ST3GAL3: variants seen among roughly 807,000 people sequenced by gnomAD.
The protein encoded by ST3GAL3 is CMP-N-acetylneuraminate-beta-1,4-galactoside alpha-2,3-sialyltransferase.
Under a neutral mutation model 50.1 loss-of-function variants are expected in ST3GAL3, and 21 were observed. The observed-to-expected ratio is 0.42, with a 90% CI of 0.30 to 0.60. The LOEUF is 0.60. Among genes scored for constraint, ST3GAL3 ranks in the 20% least tolerant of loss-of-function variants. ST3GAL3 has a pLI of 0.19. For synonymous variants in ST3GAL3, 183 were observed against 190.0 expected (o/e 0.96, Z 0.30); for missense variants, 353 against 489.4 (o/e 0.72, Z 2.63).
At chr1:43,892,276 G>A (rs1395845142) in intron 5 of ST3GAL3, among the ~76,000 whole-genome samples, 1 of 150,116 alleles carries the variant, frequency 6.7e-6, no homozygotes, top group East Asian at 1.9e-4. Context: ...TTTTTTTTTT[G>A]AGGCAAGTTC....
In ST3GAL3 at chr1:43,870,231, A is replaced by G. The variant is rs550796287; in HGVS notation, c.303-24152A>G. 4.6e-5 allele frequency among the ~76,000 whole-genome samples: 7 copies of G among 152,394 alleles called. No individual in the cohort carries two copies. The South Asian group carries it at 1.4e-3, about 32-fold the overall frequency. On this transcript the variant is annotated intron_variant, in intron 5 of 11. Transcript: ENST00000347631. Reference sequence around the variant, plus strand: ...TTTTGTGAGGCTAAAATGATATTGTATAATGAAAAACAGTTAAGAGCGAGG... The same window carrying G: ...TTTTGTGAGGCTAAAATGATATTGTGTAATGAAAAACAGTTAAGAGCGAGG...
intron 5 of ST3GAL3, among the ~76,000 whole-genome samples, chr1:43,868,637 G>T (rs976057474): frequency 1.3e-5 from 2 of 152,124 alleles, no homozygotes; most frequent in Admixed American, 1.3e-4. Flanking sequence ...ACCCCCTTGA[G>T]TCTACATATC....
intron 5 of ST3GAL3, among the ~76,000 whole-genome samples, chr1:43,854,524 A>G (rs1304324699): frequency 6.6e-6 from 1 of 152,068 alleles, no homozygotes; most frequent in Non-Finnish European, 1.5e-5. Flanking sequence ...CCATCCTTAA[A>G]TGTTGATGTT....
At chr1:43,868,001 C>G (rs1455265080) in intron 5 of ST3GAL3, among the ~76,000 whole-genome samples, 1 of 152,174 alleles carries the variant, frequency 6.6e-6, no homozygotes, top group East Asian at 1.9e-4. Flanking sequence ...TCCACTTCAT[C>G]CAACAATTCC....
rs1180406652 is a variant in ST3GAL3, at chr1:43,894,497, C to G, written c.397+20C>G. ...GTCAAGGTATGTTGGGAACCCTGAC[C>G]TACATTAACATCTCATCCCCCCGAC... On this transcript the variant is annotated intron_variant, in intron 6 of 11. Coordinates refer to ENST00000347631, the MANE Select transcript of ST3GAL3 (RefSeq NM_006279.5). 4 of 1,606,306 alleles carry G rather than the reference C, an allele frequency of 2.5e-6. No homozygotes were observed. The highest frequency in any genetic ancestry group is 3.4e-6 in the Non-Finnish European group (4 of 1,172,986).
intron 2 of ST3GAL3, among the ~76,000 whole-genome samples, chr1:43,774,156 G>A (rs917208984): frequency 6.6e-6 from 1 of 152,086 alleles, no homozygotes; most frequent in South Asian, 2.1e-4. Flanking sequence ...ACTTGGGGGG[G>A]CAATTGGGTA....
At chr1:43,769,732 A>G (rs1332435422) in intron 2 of ST3GAL3, among the ~76,000 whole-genome samples, 1 of 152,210 alleles carries the variant, frequency 6.6e-6, no homozygotes, top group East Asian at 1.9e-4. Flanking sequence ...CATCCGGGAA[A>G]CTACATAAGA....
chr1:43,916,188 ATTTATGTTTCAGT>A, intron 9 of ST3GAL3, among the ~76,000 whole-genome samples: 5 of 152,214 alleles, frequency 3.3e-5, no homozygotes, highest in Non-Finnish European at 7.3e-5. Context: ...ATTGTGTACC[ATTTATGTTTCAGT>A]TTTATGTTTC....
At chr1:43,916,112 C>G (rs1420646718) in intron 9 of ST3GAL3, among the ~76,000 whole-genome samples, 2 of 152,192 alleles carry the variant, frequency 1.3e-5, no homozygotes, top group Non-Finnish European at 2.9e-5. Context: ...TTGGGAGATA[C>G]AGGCAGCCCA....
intron 9 of ST3GAL3, among the ~76,000 whole-genome samples, chr1:43,911,682 T>C (rs2080947054): frequency 6.7e-6 from 1 of 150,294 alleles, no homozygotes; most frequent in South Asian, 2.1e-4. Context: ...GATATAGATA[T>C]AGATATGGAT....
At chr1:43,720,208 C>T (rs533046416) in intron 1 of ST3GAL3, among the ~76,000 whole-genome samples, 14 of 152,098 alleles carry the variant, frequency 9.2e-5, no homozygotes, top group South Asian at 2.1e-4. Context: ...CAGCCTGGAC[C>T]GCAGAGTGAT....
intron 2 of ST3GAL3, among the ~76,000 whole-genome samples, chr1:43,759,063 GCGCACACACACACA>G (rs1419023922): frequency 0.02 from 2,636 of 132,414 alleles, 32 homozygotes; most frequent in Non-Finnish European, 0.025. Context: ...ACAAAAGCGC[GCGCACACACACACA>G]CACACACACA....
chr1:43,900,336 A>T (rs146892220), intron 9 of ST3GAL3, among the ~76,000 whole-genome samples: 26 of 152,178 alleles, frequency 1.7e-4, no homozygotes, highest in African/African-American at 6.0e-4. Context: ...GAGTCTGATC[A>T]TTGGGAATGA....
intron 2 of ST3GAL3, among the ~76,000 whole-genome samples, chr1:43,752,503 T>TTTTG (rs1269999418): frequency 1.3e-5 from 2 of 152,158 alleles, no homozygotes; most frequent in African/African-American, 2.4e-5. Context: ...CCTCACAATA[T>TTTTG]TTTGTTTGTT....
intron 5 of ST3GAL3, among the ~76,000 whole-genome samples, chr1:43,862,830 C>T (rs553249950): frequency 2.0e-5 from 3 of 151,940 alleles, no homozygotes; most frequent in Admixed American, 6.6e-5. Flanking sequence ...GCAGGAGGAT[C>T]GCTTGAGCCA....
intron 1 of ST3GAL3, chr1:43,716,664 T>A (rs1264781975): frequency 6.6e-6 from 1 of 152,086 alleles, no homozygotes; most frequent in African/African-American, 2.4e-5. Flanking sequence ...TACCACACAC[T>A]CTACACTGTG....
chr1:43,904,729 C>T (rs1260137586), intron 9 of ST3GAL3, among the ~76,000 whole-genome samples: 7 of 146,866 alleles, frequency 4.8e-5, no homozygotes, highest in Admixed American at 2.7e-4. Context: ...CCTCACCCTC[C>T]CCCTCCTGCT....
intron 2 of ST3GAL3, among the ~76,000 whole-genome samples, chr1:43,744,683 T>TAAATAAATAAATAAATAAATAAATAAATA (rs1340747335): frequency 2.7e-4 from 38 of 143,124 alleles, no homozygotes; most frequent in African/African-American, 4.1e-4. Flanking sequence ...AATAAATAAA[T>TAAATAAATAAATAAATAAATAAATAAATA]AAATAAAATA....
At chr1:43,881,458 G>A (rs2075114882) in intron 5 of ST3GAL3, among the ~76,000 whole-genome samples, 1 of 152,248 alleles carries the variant, frequency 6.6e-6, no homozygotes, top group Admixed American at 6.5e-5. Context: ...AGACAATCTG[G>A]CCATCAACCA....
Sources: allele counts gnomAD v4.1 joint callset (sites outside exome capture counted in the v4.1 genomes callset), GRCh38; gene constraint gnomAD v4.1.1; transcripts MANE v1.5; gene names NCBI Gene and HGNC (gene_info 2026-07-23, HGNC 2026-07-21).